Variants in GPHN observed in about 807,000 individuals in gnomAD.
The protein encoded by GPHN is gephyrin.
Under a neutral mutation model 95.5 loss-of-function variants are expected in GPHN, and 17 were observed. The observed-to-expected ratio is 0.18, with a 90% CI of 0.12 to 0.27. The LOEUF is 0.27. Ranked by LOEUF, GPHN falls within the 10% of genes least tolerant of loss-of-function variation. The pLI, the probability that GPHN is intolerant of heterozygous loss-of-function variation, is 1.00. For synonymous variants in GPHN, 320 were observed against 322.5 expected (o/e 0.99, Z 0.08); for missense variants, 660 against 978.1 (o/e 0.67, Z 4.34).
chr14:66,810,156 A>C (rs2153481863), intron 3 of GPHN, among the ~76,000 whole-genome samples: 1 of 152,044 alleles, frequency 6.6e-6, no homozygotes, highest in East Asian at 1.9e-4. Flanking sequence ...TACTAAAATG[A>C]ATTTCCTCCA....
the GPHN span, among the ~76,000 whole-genome samples, chr14:67,628,391 C>T: frequency 1.3e-5 from 2 of 152,156 alleles, no homozygotes; most frequent in Non-Finnish European, 2.9e-5. Context: ...TGCTCGGCTG[C>T]AGATTCCTTT....
the GPHN span, among the ~76,000 whole-genome samples, chr14:67,699,045 G>A: frequency 3.3e-5 from 5 of 152,080 alleles, no homozygotes; most frequent in African/African-American, 1.2e-4. Flanking sequence ...GAGGTCAGGA[G>A]TTTGAGACCA....
chr14:67,516,100 G>A, the GPHN span, among the ~76,000 whole-genome samples: 5 of 152,300 alleles, frequency 3.3e-5, no homozygotes, highest in South Asian at 2.1e-4. Context: ...GTAGGAAATC[G>A]GCAGCTGAGG....
chr14:66,976,159 A>T (rs2153595291), intron 9 of GPHN, among the ~76,000 whole-genome samples: 1 of 152,258 alleles, frequency 6.6e-6, no homozygotes, highest in South Asian at 2.1e-4. Flanking sequence ...TTCTAACTTC[A>T]CTTAAGATCT....
the GPHN span, chr14:67,619,803 G>T: frequency 3.6e-6 from 2 of 553,150 alleles, no homozygotes; most frequent in Non-Finnish European, 6.4e-6. Flanking sequence ...GGCCTGCGAA[G>T]AAGGTGTGCC....
At chr14:67,372,076 G>A in the GPHN span, among the ~76,000 whole-genome samples, 1 of 151,852 alleles carries the variant, frequency 6.6e-6, no homozygotes, top group Non-Finnish European at 1.5e-5. Flanking sequence ...ACCAGCCTGG[G>A]CAACATAGCA....
At chr14:66,864,540 A>G (rs1349210885) in intron 4 of GPHN, among the ~76,000 whole-genome samples, 5 of 152,190 alleles carry the variant, frequency 3.3e-5, no homozygotes, top group African/African-American at 4.8e-5. Context: ...TGGGAGGCCA[A>G]GACAGGCAGA....
the GPHN span, chr14:67,582,106 C>T: frequency 1.9e-6 from 3 of 1,612,920 alleles, no homozygotes; most frequent in South Asian, 1.1e-5. The surrounding 1 kb of genome is among the most constrained non-coding windows in gnomAD (Gnocchi z 5.0). Context: ...GGAGACGGAC[C>T]GAGAACGGCT....
At position 66,710,544 on chromosome 14, in the gene GPHN, A is replaced by G. The variant is rs145465603; in HGVS notation, c.143+29359A>G. Among the ~76,000 whole-genome samples the G allele has an allele frequency of 9.5e-3, 1,444 of 152,188 alleles. 25 individuals are homozygous for G. The highest frequency in any genetic ancestry group is 0.032 in the African/African-American group (1,313 of 41,536). On this transcript the variant is annotated intron_variant, in intron 2 of 22. Coordinates refer to ENST00000478722, the MANE Select transcript of GPHN (RefSeq NM_020806.5). ...ACAAATATTATTTCTCTGCATGTTT[A>G]TTTTATACTGTTTTATTTTTTCTGT...
chr14:66,781,520 C>T (rs1461189386), intron 3 of GPHN, among the ~76,000 whole-genome samples: 1 of 152,096 alleles, frequency 6.6e-6, no homozygotes, highest in Non-Finnish European at 1.5e-5. Flanking sequence ...GCCCAGCCTA[C>T]TATTATGATT....
At chr14:67,047,558 GT>G (rs1321444110) in intron 10 of GPHN, among the ~76,000 whole-genome samples, 1 of 151,992 alleles carries the variant, frequency 6.6e-6, no homozygotes, top group Non-Finnish European at 1.5e-5. Flanking sequence ...CAGTAATGGG[GT>G]TTCACCATGT....
chr14:67,090,092 TTA>T (rs2077086959), intron 12 of GPHN, among the ~76,000 whole-genome samples: 1 of 152,170 alleles, frequency 6.6e-6, no homozygotes, highest in Admixed American at 6.5e-5. Flanking sequence ...TACATTGTTA[TTA>T]TGTTATTGGT....
chr14:67,502,337 A>G, the GPHN span, among the ~76,000 whole-genome samples: 3 of 151,874 alleles, frequency 2.0e-5, no homozygotes, highest in African/African-American at 7.3e-5. Flanking sequence ...TCTCAAAAAA[A>G]AGAAAAGAAA....
At chr14:67,041,617 T>C (rs1193780757) in intron 10 of GPHN, among the ~76,000 whole-genome samples, 1 of 152,240 alleles carries the variant, frequency 6.6e-6, no homozygotes, top group African/African-American at 2.4e-5. Flanking sequence ...CAGTGTATCA[T>C]TGATGGACAT....
the GPHN span, among the ~76,000 whole-genome samples, chr14:67,330,520 A>G: frequency 5.0e-5 from 7 of 140,926 alleles, no homozygotes; most frequent in South Asian, 2.2e-4. Context: ...GTGCAGTGGC[A>G]CTATCTCTGC....
chr14:67,544,071 A>G, the GPHN span, among the ~76,000 whole-genome samples: 2 of 152,312 alleles, frequency 1.3e-5, no homozygotes, highest in East Asian at 3.9e-4. Flanking sequence ...TTCTGCATCA[A>G]GTCAGGACTA....
the GPHN span, chr14:67,587,308 A>G: frequency 6.5e-7 from 1 of 1,549,188 alleles, no homozygotes; most frequent in South Asian, 1.1e-5. Flanking sequence ...AGGGTATGAT[A>G]CTACTGTGAC....
At chr14:67,302,568 G>A in the GPHN span, 1 of 1,492,690 alleles carries the variant, frequency 6.7e-7, no homozygotes, top group Non-Finnish European at 8.9e-7. Context: ...TTTTTGACTT[G>A]TTGGTAAGTT....
At chr14:67,483,892 C>A in the GPHN span, among the ~76,000 whole-genome samples, 116 of 152,346 alleles carry the variant, frequency 7.6e-4, no homozygotes, top group African/African-American at 2.6e-3. Context: ...AGATCCCAAG[C>A]AAACCGCAGC....
Sources: allele counts gnomAD v4.1 joint callset (sites outside exome capture counted in the v4.1 genomes callset), GRCh38; gene constraint gnomAD v4.1.1; non-coding constraint Gnocchi (gnomAD v3.1); transcripts MANE v1.5; gene names NCBI Gene and HGNC (gene_info 2026-07-23, HGNC 2026-07-21).